The following TACR1 variants were observed in gnomAD, a reference collection of about 807,000 sequenced individuals.
TACR1 encodes tachykinin receptor 1.
TACR1 carries 25 observed loss-of-function variants against 35.8 expected under a neutral mutation model. The ratio of observed to expected loss-of-function variants is 0.70; its 90% CI spans 0.51 to 0.98. The LOEUF (loss-of-function observed/expected upper bound fraction) is 0.98. Ranked by LOEUF, TACR1 falls within the 50% of genes least tolerant of loss-of-function variation. The pLI, the probability that TACR1 is intolerant of heterozygous loss-of-function variation, is 0.00. For missense variants in TACR1, 478 were observed against 522.9 expected (o/e 0.91, Z 0.84); for synonymous variants, 195 against 206.7 (o/e 0.94, Z 0.48).
chr2:75,052,753 A>G (rs1275482550), intron 3 of TACR1, among the ~76,000 whole-genome samples: 1 of 152,138 alleles, frequency 6.6e-6, no homozygotes, highest in Non-Finnish European at 1.5e-5. Context: ...CATTGTATGC[A>G]TATCTGTGTG....
chr2:75,076,847 A>C (rs979329940), intron 2 of TACR1, among the ~76,000 whole-genome samples: 1 of 152,106 alleles, frequency 6.6e-6, no homozygotes, highest in African/African-American at 2.4e-5. Flanking sequence ...TTTTGGTAGG[A>C]TATCTCTTTT....
In TACR1 at chr2:75,162,001, A is replaced by G. The variant is rs370554771; in HGVS notation, c.389+36545T>C. On this transcript the variant is annotated intron_variant, in intron 1 of 4. Coordinates refer to ENST00000305249, the MANE Select transcript of TACR1 (RefSeq NM_001058.4). The stretch of plus-strand genomic sequence containing the variant: ...ATATTAGATGAATTTGTCAAAATTG[A>G]AGGAGGAGACCAATTGAGATGCTAA... Among the ~76,000 whole-genome samples the G allele has an allele frequency of 4.9e-4, 72 of 148,028 alleles. 1 individual carries two copies. The East Asian group carries it at 8.1e-3, about 17-fold the overall frequency.
intron 1 of TACR1, among the ~76,000 whole-genome samples, chr2:75,166,209 T>C (rs190516271): frequency 5.7e-4 from 87 of 152,294 alleles, no homozygotes; most frequent in African/African-American, 1.8e-3. Flanking sequence ...AAAAACGTGG[T>C]CATCTGGAGA....
intron 2 of TACR1, among the ~76,000 whole-genome samples, chr2:75,098,281 TC>T (rs1195985432): frequency 6.6e-6 from 1 of 152,158 alleles, no homozygotes; most frequent in Admixed American, 6.5e-5. Flanking sequence ...CAGTTCTGTT[TC>T]CTTTTTTTAC....
chr2:75,101,320 A>G (rs985764882), intron 2 of TACR1, among the ~76,000 whole-genome samples: 2 of 152,222 alleles, frequency 1.3e-5, no homozygotes, highest in African/African-American at 4.8e-5. Context: ...TGATACTTCA[A>G]GACTTTCCAT....
chr2:75,157,645 G>A (rs1344410762), intron 1 of TACR1, among the ~76,000 whole-genome samples: 1 of 152,192 alleles, frequency 6.6e-6, no homozygotes, highest in Non-Finnish European at 1.5e-5. Flanking sequence ...AGGAAGAGGA[G>A]TGCCCTGTCC....
At chr2:75,146,209 A>G (rs996435760) in intron 1 of TACR1, among the ~76,000 whole-genome samples, 1 of 152,146 alleles carries the variant, frequency 6.6e-6, no homozygotes, top group Non-Finnish European at 1.5e-5. Context: ...TGCAACCTCC[A>G]CGTCCCAGGT....
intron 1 of TACR1, among the ~76,000 whole-genome samples, chr2:75,179,352 C>G (rs565007591): frequency 6.6e-6 from 1 of 152,298 alleles, no homozygotes; most frequent in East Asian, 1.9e-4. Flanking sequence ...CTACCATAAT[C>G]TCTTTCCTGG....
chr2:75,064,828 A>G (rs376438747), intron 2 of TACR1, among the ~76,000 whole-genome samples: 111 of 152,238 alleles, frequency 7.3e-4, no homozygotes, highest in African/African-American at 2.5e-3. Context: ...AAGGAGAGTG[A>G]CTCTTTCCCA....
chr2:75,085,046 C>T (rs1159366672), intron 2 of TACR1, among the ~76,000 whole-genome samples: 1 of 152,088 alleles, frequency 6.6e-6, no homozygotes, highest in African/African-American at 2.4e-5. Flanking sequence ...ATCTTTCCTG[C>T]TTTCTCTTGT....
intron 1 of TACR1, among the ~76,000 whole-genome samples, chr2:75,167,137 C>T (rs1675163502): frequency 6.6e-6 from 1 of 152,166 alleles, no homozygotes; most frequent in Admixed American, 6.5e-5. Context: ...ATGAGAAATA[C>T]ATTCAGTGCT....
chr2:75,145,036 C>G (rs1007776568), intron 1 of TACR1, among the ~76,000 whole-genome samples: 1 of 151,960 alleles, frequency 6.6e-6, no homozygotes, highest in African/African-American at 2.4e-5. Context: ...TTAACACAGC[C>G]TGAGCGGAAT....
At chr2:75,166,501 G>T (rs1675146191) in intron 1 of TACR1, among the ~76,000 whole-genome samples, 1 of 152,162 alleles carries the variant, frequency 6.6e-6, no homozygotes, top group African/African-American at 2.4e-5. Flanking sequence ...TTAGTCGTTG[G>T]CCAATCAATC....
At chr2:75,118,687 A>G (rs1337440571) in intron 2 of TACR1, 1 of 152,240 alleles carries the variant, frequency 6.6e-6, no homozygotes, top group Non-Finnish European at 1.5e-5. Context: ...TTAAAGAACT[A>G]TGAGTATTTT....
chr2:75,091,201 CAAAAAAAAAA>C (rs1184236584), intron 2 of TACR1, among the ~76,000 whole-genome samples: 2 of 63,416 alleles, frequency 3.2e-5, no homozygotes, highest in Non-Finnish European at 6.4e-5. Flanking sequence ...CTCGTAGGTG[CAAAAAAAAAA>C]AAAAAAAAAA....
Position 75,195,510 on chromosome 2 carries a change from G to A in TACR1, c.389+3036C>T, listed in dbSNP as rs76619334. On this transcript the variant is annotated intron_variant, in intron 1 of 4. Transcript: ENST00000305249. ...CAATCTGCAACTGAAGTTTTTCTCC[G>A]CATATATCTTGATTCTAATAGGAAA... Among the ~76,000 whole-genome samples the A allele has an allele frequency of 6.2e-3, 937 of 151,804 alleles. 13 individuals carry two copies. Among genetic ancestry groups the A allele is most frequent in the African/African-American group, 0.022 (893 of 41,356 alleles).
At chr2:75,175,446 A>T (rs1675389260) in intron 1 of TACR1, among the ~76,000 whole-genome samples, 2 of 152,218 alleles carry the variant, frequency 1.3e-5, no homozygotes, top group South Asian at 4.1e-4. Flanking sequence ...TCTGGGGTTC[A>T]GAAATCCAAA....
intron 2 of TACR1, among the ~76,000 whole-genome samples, chr2:75,077,216 C>T (rs1672998342): frequency 6.6e-6 from 1 of 152,148 alleles, no homozygotes; most frequent in Non-Finnish European, 1.5e-5. Flanking sequence ...GTGACCCACC[C>T]ACCTTGGCCT....
chr2:75,109,116 G>A (rs1244586650), intron 2 of TACR1, among the ~76,000 whole-genome samples: 1 of 152,150 alleles, frequency 6.6e-6, no homozygotes, highest in East Asian at 1.9e-4. Flanking sequence ...GCTGCAGGGT[G>A]GAGCTGAGGA....
Sources: allele counts gnomAD v4.1 joint callset (sites outside exome capture counted in the v4.1 genomes callset), GRCh38; gene constraint gnomAD v4.1.1; transcripts MANE v1.5; gene names NCBI Gene and HGNC (gene_info 2026-07-23, HGNC 2026-07-21).